The following UBE4B variants were observed in gnomAD, a reference collection of about 807,000 sequenced individuals.
UBE4B encodes ubiquitin conjugation factor E4 B.
A neutral mutation model predicts 148.1 loss-of-function variants in UBE4B; 27 were observed. The observed-to-expected ratio is 0.18, with a 90% CI of 0.13 to 0.25. The LOEUF is 0.25. Ranked by LOEUF, UBE4B falls within the 10% of genes least tolerant of loss-of-function variation. The pLI, the probability that UBE4B is intolerant of heterozygous loss-of-function variation, is 1.00. For synonymous variants in UBE4B, 596 were observed against 619.3 expected, an observed-to-expected ratio of 0.96 and a Z score of 0.56; for missense variants, 1,170 against 1,662.4, an observed-to-expected ratio of 0.70 and a Z score of 5.15.
intron 12 of UBE4B, among the ~76,000 whole-genome samples, chr1:10,130,275 A>C (rs1035483711): frequency 6.6e-6 from 1 of 151,776 alleles, no homozygotes; most frequent in African/African-American, 2.4e-5. Context: ...GGGTTTCTCC[A>C]TGTTGGCCAG....
intron 23 of UBE4B, among the ~76,000 whole-genome samples, chr1:10,163,737 AC>A (rs1646204203): frequency 6.6e-6 from 1 of 151,736 alleles, no homozygotes; most frequent in East Asian, 1.9e-4. Context: ...TATTTTATTT[AC>A]TTACTATTTT....
chr1:10,036,082 C>CTTT (rs112866835), intron 1 of UBE4B, among the ~76,000 whole-genome samples: 1 of 136,450 alleles, frequency 7.3e-6, no homozygotes, highest in African/African-American at 2.7e-5. Flanking sequence ...CTATAAATTA[C>CTTT]TTTTTTTTTT....
intron 1 of UBE4B, among the ~76,000 whole-genome samples, chr1:10,063,758 A>G (rs1211450463): frequency 2.0e-5 from 3 of 152,010 alleles, no homozygotes; most frequent in Non-Finnish European, 4.4e-5. Flanking sequence ...AAATACAAAA[A>G]TTAGCTGGGT....
chr1:10,113,783 T>C (rs115576431), intron 7 of UBE4B, among the ~76,000 whole-genome samples: 1,780 of 152,038 alleles, frequency 0.012, 32 homozygotes, highest in African/African-American at 0.041. Context: ...AAGATGCTTT[T>C]CGGCCGGACG....
At chr1:10,108,166 T>TGC (rs922155724) in intron 7 of UBE4B, among the ~76,000 whole-genome samples, 12 of 151,514 alleles carry the variant, frequency 7.9e-5, no homozygotes, top group South Asian at 4.2e-4. Flanking sequence ...TGTGTGTGTG[T>TGC]GCGTGCGTGC....
At chr1:10,096,936 G>A (rs1376038120) in intron 3 of UBE4B, among the ~76,000 whole-genome samples, 1 of 151,750 alleles carries the variant, frequency 6.6e-6, no homozygotes, top group Non-Finnish European at 1.5e-5. Flanking sequence ...CTACTTGGGA[G>A]GCTAAGGCAG....
intron 2 of UBE4B, among the ~76,000 whole-genome samples, chr1:10,088,729 G>A (rs1417651726): frequency 6.6e-6 from 1 of 151,372 alleles, no homozygotes; most frequent in Non-Finnish European, 1.5e-5. Flanking sequence ...ACCCAGGCTG[G>A]GGGACAGTGA....
intron 25 of UBE4B, among the ~76,000 whole-genome samples, chr1:10,175,545 G>A (rs1646412014): frequency 6.6e-6 from 1 of 151,968 alleles, no homozygotes; most frequent in African/African-American, 2.4e-5. Context: ...CAGCTACTCG[G>A]GAGGCTGAGG....
chr1:10,107,576 C>CTTTTTTTTTTTTTTTTTTTTT (rs60975850), intron 7 of UBE4B, among the ~76,000 whole-genome samples: 1 of 128,288 alleles, frequency 7.8e-6, no homozygotes, highest in Non-Finnish European at 1.6e-5. Context: ...TTCTTTCTTT[C>CTTTTTTTTTTTTTTTTTTTTT]TTTTTTTTTT....
chr1:10,059,214 G>C (rs934442378), intron 1 of UBE4B: 3 of 150,522 alleles, frequency 2.0e-5, no homozygotes, highest in African/African-American at 7.6e-5. Flanking sequence ...CTGGGGGACA[G>C]AGCGAGACTC....
rs762822879 is a variant in UBE4B, at chr1:10,135,112, G to A, written c.2150G>A (p.Arg717Gln). 22 of 1,613,834 alleles carry A rather than the reference G, an allele frequency of 1.4e-5. No homozygotes were observed. The highest frequency in any genetic ancestry group is 2.7e-5 in the African/African-American group (2 of 74,852). Reference sequence around the variant, plus strand: ...ACGTATATTTTTCACCCAAGATGTCGGATTACTCTTCCCAATGATGAGACG... The same window carrying A: ...ACGTATATTTTTCACCCAAGATGTCAGATTACTCTTCCCAATGATGAGACG... ...DPTYIFHPRC[R>Q]ITLPNDETRV... Residue 717 changes from arginine to glutamine, a missense_variant, in exon 16 of 28, where the codon CGG (arginine) becomes CAG (glutamine). Physicochemically the swap from Arg to Gln is conservative, Grantham distance 43. Coordinates refer to ENST00000343090, the MANE Select transcript of UBE4B (RefSeq NM_001105562.3).
chr1:10,155,476 T>C (rs997261505), intron 21 of UBE4B, among the ~76,000 whole-genome samples: 2 of 152,160 alleles, frequency 1.3e-5, no homozygotes, highest in Non-Finnish European at 2.9e-5. Context: ...AGATGCCCTT[T>C]AGCACAGGTC....
At chr1:10,100,402 A>G (rs896536146) in intron 3 of UBE4B, among the ~76,000 whole-genome samples, 5 of 152,124 alleles carry the variant, frequency 3.3e-5, no homozygotes, top group Non-Finnish European at 7.4e-5. Context: ...GTAATAGTGC[A>G]TACAGCCTCA....
At position 10,121,958 on chromosome 1, in the gene UBE4B, A is replaced by G; in HGVS notation, c.1440-4A>G. Reference sequence around the variant, plus strand: ...CACCGTCCCTAATGTTCATGGGTCCACAGGTCCTTGCAGCAGCCGTCCTTC... The same window carrying G: ...CACCGTCCCTAATGTTCATGGGTCCGCAGGTCCTTGCAGCAGCCGTCCTTC... On this transcript the variant is annotated splice_polypyrimidine_tract_variant and splice_region_variant and intron_variant, in intron 9 of 27. Transcript: ENST00000343090. 3 of 1,608,662 alleles carry G rather than the reference A, an allele frequency of 1.9e-6. No homozygotes were observed. Among genetic ancestry groups the G allele is most frequent in the Non-Finnish European group, 2.6e-6 (3 of 1,176,004 alleles).
chr1:10,157,424 C>A (rs1646091549), intron 21 of UBE4B, among the ~76,000 whole-genome samples: 1 of 151,960 alleles, frequency 6.6e-6, no homozygotes, highest in East Asian at 1.9e-4. Context: ...CTGCAGTGAG[C>A]CATTATTCAC....
intron 1 of UBE4B, among the ~76,000 whole-genome samples, chr1:10,038,771 AT>A (rs1396378154): frequency 1.3e-5 from 2 of 150,248 alleles, no homozygotes; most frequent in Non-Finnish European, 3.0e-5. Flanking sequence ...CCCACTCCCA[AT>A]TTTTTTTTTA....
At chr1:10,078,512 C>T (rs1377504276) in intron 2 of UBE4B, among the ~76,000 whole-genome samples, 1 of 152,074 alleles carries the variant, frequency 6.6e-6, no homozygotes, top group Non-Finnish European at 1.5e-5. Flanking sequence ...TTCTTAGTTT[C>T]TTCCCCTATC....
chr1:10,069,696 G>A (rs1644451092), intron 1 of UBE4B, among the ~76,000 whole-genome samples: 1 of 152,110 alleles, frequency 6.6e-6, no homozygotes, highest in Non-Finnish European at 1.5e-5. Flanking sequence ...CACCATGCCT[G>A]GCTGATCTTT....
intron 10 of UBE4B, among the ~76,000 whole-genome samples, chr1:10,126,343 AT>A (rs1165098086): frequency 1.2e-4 from 18 of 152,096 alleles, no homozygotes; most frequent in African/African-American, 4.3e-4. Context: ...AGATAGATAG[AT>A]AGATAGATAG....
Sources: gnomAD v4.1 joint callset for allele counts (sites outside exome capture counted in the v4.1 genomes callset) on GRCh38, gnomAD v4.1.1 for gene constraint, MANE v1.5 for transcripts, NCBI Gene and HGNC (gene_info 2026-07-23, HGNC 2026-07-21) for gene names.